The following PHF21A variants were observed in gnomAD, a reference collection of about 807,000 sequenced individuals.
PHF21A encodes PHD finger protein 21A, also known as BHC80a.
Under a neutral mutation model 82.5 loss-of-function variants are expected in PHF21A, and 11 were observed. The observed-to-expected ratio is 0.13, with a 90% CI of 0.08 to 0.22. PHF21A has a LOEUF of 0.22. PHF21A is among the 10% of genes least tolerant of loss of function. The pLI, the probability that PHF21A is intolerant of heterozygous loss-of-function variation, is 1.00. For synonymous variants in PHF21A, 297 were observed against 302.8 expected (o/e 0.98, Z 0.20); for missense variants, 579 against 837.8 (o/e 0.69, Z 3.81).
At chr11:46,019,971 G>A (rs186402939) in intron 6 of PHF21A, among the ~76,000 whole-genome samples, 71 of 151,408 alleles carry the variant, frequency 4.7e-4, no homozygotes, top group African/African-American at 1.6e-3. Flanking sequence ...AGGGCATTTT[G>A]CTATTTTCTA....
chr11:46,002,547 T>A (rs572278349), intron 6 of PHF21A, among the ~76,000 whole-genome samples: 1 of 152,124 alleles, frequency 6.6e-6, no homozygotes, highest in Non-Finnish European at 1.5e-5. Context: ...AATTCACACA[T>A]GGCCTTTTTC....
intron 1 of PHF21A, among the ~76,000 whole-genome samples, chr11:46,119,498 C>T (rs1852372339): frequency 2.0e-5 from 3 of 152,116 alleles, no homozygotes; most frequent in African/African-American, 7.2e-5. Flanking sequence ...ATGATGACAC[C>T]AGATTCACCA....
intron 6 of PHF21A, among the ~76,000 whole-genome samples, chr11:46,057,525 T>C (rs2096477070): frequency 6.6e-6 from 1 of 152,192 alleles, no homozygotes; most frequent in African/African-American, 2.4e-5. Flanking sequence ...AAAACTGTAC[T>C]TTCTGTTCTC....
intron 15 of PHF21A, among the ~76,000 whole-genome samples, chr11:45,943,061 C>T (rs1179167597): frequency 4.0e-5 from 6 of 151,280 alleles, no homozygotes; most frequent in South Asian, 2.1e-4. Context: ...TATATGCAGA[C>T]GTGATCACTT....
intron 6 of PHF21A, among the ~76,000 whole-genome samples, chr11:46,042,266 C>T (rs11827732): frequency 0.098 from 14,943 of 152,090 alleles, 899 homozygotes; most frequent in African/African-American, 0.17. Flanking sequence ...CATATTTTTA[C>T]GAATACTTGA....
intron 6 of PHF21A, among the ~76,000 whole-genome samples, chr11:46,068,145 A>G (rs1461072228): frequency 3.3e-5 from 5 of 152,130 alleles, no homozygotes; most frequent in African/African-American, 1.2e-4. Context: ...TATCAGTGCT[A>G]ATGAGCTTGA....
At chr11:45,950,624 G>T (rs1565214419) in intron 11 of PHF21A, among the ~76,000 whole-genome samples, 2 of 152,182 alleles carry the variant, frequency 1.3e-5, no homozygotes, top group Non-Finnish European at 2.9e-5. Flanking sequence ...CCACAGGTTA[G>T]AAAGTTTGCT....
At chr11:45,962,443 T>C (rs2093150011) in intron 10 of PHF21A, among the ~76,000 whole-genome samples, 1 of 152,034 alleles carries the variant, frequency 6.6e-6, no homozygotes, top group Admixed American at 6.6e-5. Flanking sequence ...AAAACAAGGA[T>C]AGTTGAAAGA....
chr11:45,942,977 G>T (rs543561876), intron 15 of PHF21A, among the ~76,000 whole-genome samples: 7 of 152,104 alleles, frequency 4.6e-5, no homozygotes, highest in Non-Finnish European at 8.8e-5. Context: ...AGTCAGTTAG[G>T]CCAAAAACTT....
rs1246783750 is a variant in PHF21A at position 46,020,538 on chromosome 11, T to C, written c.154-40572A>G. ...TACAACTAGCTCCCACTTTCACTTT[T>C]CTGCTTCCCTTGCGTCTAACACCAT... is the stretch of plus-strand genomic sequence containing the variant. On this transcript the variant is annotated intron_variant, in intron 6 of 18. Transcript: ENST00000676320. Among the ~76,000 whole-genome samples the C allele has an allele frequency of 3.3e-5, 5 of 152,214 alleles. No individual in the cohort carries two copies. In the East Asian group the frequency reaches 9.6e-4, roughly 29 times the overall value.
intron 6 of PHF21A, 152 bp from the exon 7 acceptor site, chr11:45,980,118 G>T: frequency 8.7e-7 from 1 of 1,154,412 alleles, no homozygotes; most frequent in Non-Finnish European, 1.2e-6. Context: ...AGAGCTTAAA[G>T]CATTTAATAT....
At chr11:46,084,609 T>C (rs945323476) in intron 3 of PHF21A, among the ~76,000 whole-genome samples, 6 of 152,150 alleles carry the variant, frequency 3.9e-5, no homozygotes, top group Admixed American at 6.5e-5. Flanking sequence ...AGACCACTTC[T>C]GTCTTCAATG....
chr11:46,004,797 T>C (rs1364926091), intron 6 of PHF21A, among the ~76,000 whole-genome samples: 2 of 152,130 alleles, frequency 1.3e-5, no homozygotes. Context: ...CTTTGTAAAA[T>C]ACAGTTTATG....
At chr11:46,020,716 A>G (rs1165299485) in intron 6 of PHF21A, among the ~76,000 whole-genome samples, 2 of 152,178 alleles carry the variant, frequency 1.3e-5, no homozygotes, top group Non-Finnish European at 2.9e-5. Context: ...AAATTCAAAA[A>G]CAACCTGTTT....
rs1402531253 is a variant in PHF21A at position 46,021,241 on chromosome 11, TG to T, written c.154-41276del. ...TGCCTGGCTAATTTTTTTTATTTTTTGTAGAGATGGGGGTCTCACTCTGTTG... is the reference window on the plus strand; with the variant it reads ...TGCCTGGCTAATTTTTTTTATTTTTTTAGAGATGGGGGTCTCACTCTGTTG... On this transcript the variant is annotated intron_variant, in intron 6 of 18. Transcript: ENST00000676320. Among the ~76,000 whole-genome samples, 3 of 152,044 alleles carry T rather than the reference TG, an allele frequency of 2.0e-5. No homozygotes were observed. The East Asian group carries it at 5.8e-4, about 29-fold the overall frequency.
chr11:46,062,768 T>C (rs2096551132), intron 6 of PHF21A, among the ~76,000 whole-genome samples: 1 of 152,224 alleles, frequency 6.6e-6, no homozygotes, highest in Non-Finnish European at 1.5e-5. Flanking sequence ...TGGCAGTTTC[T>C]TAAAAAGTTA....
intron 5 of PHF21A, 103 bp downstream of exon 5, chr11:46,079,031 T>C: frequency 1.5e-6 from 1 of 646,174 alleles, no homozygotes; most frequent in Non-Finnish European, 2.6e-6. Flanking sequence ...AATGAAATAA[T>C]TCTTAAAAGT....
At chr11:45,978,162 T>C (rs904287862) in intron 7 of PHF21A, among the ~76,000 whole-genome samples, 2 of 152,074 alleles carry the variant, frequency 1.3e-5, no homozygotes, top group East Asian at 1.9e-4. Context: ...TAGCCGGGCA[T>C]GGTGGCACGC....
intron 6 of PHF21A, among the ~76,000 whole-genome samples, chr11:46,011,616 C>A (rs2095416107): frequency 6.6e-6 from 1 of 152,192 alleles, no homozygotes. Context: ...CTAAGCACTG[C>A]TTTTCATTTC....
Sources: gnomAD v4.1 joint callset for allele counts (sites outside exome capture counted in the v4.1 genomes callset) on GRCh38, gnomAD v4.1.1 for gene constraint, MANE v1.5 for transcripts, NCBI Gene and HGNC (gene_info 2026-07-23, HGNC 2026-07-21) for gene names.